KMT5B: variants seen among roughly 807,000 people sequenced by gnomAD.
The protein encoded by KMT5B is histone-lysine N-methyltransferase KMT5B.
KMT5B carries 10 observed loss-of-function variants against 83.2 expected under a neutral mutation model. The ratio of observed to expected loss-of-function variants is 0.12; its 90% CI spans 0.07 to 0.20. KMT5B has a LOEUF of 0.20. KMT5B is among the 10% of genes least tolerant of loss of function. The pLI, the probability that KMT5B is intolerant of heterozygous loss-of-function variation, is 1.00. For synonymous variants in KMT5B, 349 were observed against 388.8 expected (o/e 0.90, Z 1.20); for missense variants, 753 against 1,067.2 (o/e 0.71, Z 4.10).
intron 1 of KMT5B, among the ~76,000 whole-genome samples, chr11:68,195,460 T>C (rs539925754): frequency 2.6e-5 from 4 of 152,310 alleles, no homozygotes; most frequent in Admixed American, 1.3e-4. Context: ...ACAACACAGA[T>C]AGATCCAGGG....
In KMT5B at chr11:68,171,730, G is replaced by A. The variant is rs756507761; in HGVS notation, c.654-21C>T. 9.6e-6 allele frequency: 15 copies of A among 1,566,930 alleles called. No homozygotes were observed. In the Admixed American group the frequency reaches 2.7e-4, roughly 28 times the overall value. ...GTTTCCTATTTAAAATATGTGATGTGTTAAAAATTACTAGTAATTAAATAT... is the reference window on the plus strand; with the variant it reads ...GTTTCCTATTTAAAATATGTGATGTATTAAAAATTACTAGTAATTAAATAT... On this transcript the variant is annotated intron_variant, in intron 6 of 10. Transcript: ENST00000304363. This position sits in a 1 kb window ranked among gnomAD's most constrained non-coding sequence, Gnocchi z 5.1.
chr11:68,200,060 G>A (rs1859238557), intron 1 of KMT5B, among the ~76,000 whole-genome samples: 1 of 152,102 alleles, frequency 6.6e-6, no homozygotes, highest in Non-Finnish European at 1.5e-5. Context: ...GATCCAACTG[G>A]AGTTGGCAGC....
At chr11:68,193,086 C>T (rs1858282004) in intron 1 of KMT5B, among the ~76,000 whole-genome samples, 1 of 152,128 alleles carries the variant, frequency 6.6e-6, no homozygotes, top group Admixed American at 6.6e-5. Context: ...TGCATTAGTA[C>T]AAGTCAGACT....
At chr11:68,203,402 G>A (rs150110410) in intron 1 of KMT5B, among the ~76,000 whole-genome samples, 332 of 152,318 alleles carry the variant, frequency 2.2e-3, no homozygotes, top group Middle Eastern at 6.8e-3. Flanking sequence ...TCTCCTAAAT[G>A]TGAAATCACA....
At chr11:68,166,639 C>T in intron 10 of KMT5B, 1 of 1,067,076 alleles carries the variant, frequency 9.4e-7, no homozygotes, top group Non-Finnish European at 1.1e-6. Flanking sequence ...TAATTCTACT[C>T]AGTCCTTTTG....
chr11:68,198,908 T>C (rs1020977119), intron 1 of KMT5B, among the ~76,000 whole-genome samples: 4 of 152,162 alleles, frequency 2.6e-5, no homozygotes, highest in African/African-American at 9.7e-5. Flanking sequence ...TTTTTGTATT[T>C]CTAGTAAAGA....
intron 10 of KMT5B, 118 bp from the exon 11 acceptor site, chr11:68,159,289 C>T (rs569551434): frequency 5.8e-6 from 8 of 1,384,162 alleles, no homozygotes; most frequent in Admixed American, 2.8e-5. Context: ...GCCAACACCA[C>T]GGCTCCTGCT....
chr11:68,158,582 T>C lies in KMT5B; in HGVS notation c.1764A>G (p.Glu588=). The C allele has an allele frequency of 6.2e-7, 1 of 1,614,188 alleles. No homozygotes were observed. The highest frequency in any genetic ancestry group is 8.5e-7 in the Non-Finnish European group (1 of 1,180,024). Residue 588 remains glutamate (E), a synonymous_variant, in exon 11 of 11, where the codon GAA becomes GAG. Coordinates refer to ENST00000304363, the MANE Select transcript of KMT5B (RefSeq NM_017635.5). ...TTTGTGCAGTCTCATGAGCCAGTTC[T>C]TCCTCCTGCAGCACAGGAGCTGGCT... ...QLQPAPVLQE[E]ELAHETAQKG... is the part of the protein sequence containing the mutation.
At chr11:68,211,960 T>C (rs578066546) in intron 1 of KMT5B, among the ~76,000 whole-genome samples, 1 of 152,326 alleles carries the variant, frequency 6.6e-6, no homozygotes, top group Middle Eastern at 3.4e-3. Flanking sequence ...TTCAAATTGC[T>C]AAACCTTCAG....
At chr11:68,200,681 T>C (rs1246501743) in intron 1 of KMT5B, among the ~76,000 whole-genome samples, 1 of 152,230 alleles carries the variant, frequency 6.6e-6, no homozygotes. Flanking sequence ...ATAGGATCTG[T>C]GTTAAAAAAA....
intron 10 of KMT5B, chr11:68,166,413 C>CA: frequency 9.8e-7 from 1 of 1,017,796 alleles, no homozygotes; most frequent in South Asian, 4.1e-5. Flanking sequence ...CTGGAGTAGC[C>CA]AATACAGCAT....
intron 2 of KMT5B, among the ~76,000 whole-genome samples, chr11:68,186,372 C>G (rs1857439435): frequency 6.6e-6 from 1 of 152,176 alleles, no homozygotes; most frequent in Admixed American, 6.5e-5. Flanking sequence ...TCTCAAGTAT[C>G]AAAAGGAATC....
chr11:68,177,590 T>A (rs541343237), intron 4 of KMT5B, among the ~76,000 whole-genome samples: 2 of 152,314 alleles, frequency 1.3e-5, no homozygotes, highest in Non-Finnish European at 1.5e-5. Flanking sequence ...TCTAGTCATT[T>A]TTTTTTTAAT....
In KMT5B at chr11:68,159,087, G is replaced by A; in HGVS notation, c.1259C>T (p.Ala420Val). The A allele has an allele frequency of 1.2e-6, 2 of 1,607,444 alleles. No homozygotes were observed. The highest frequency in any genetic ancestry group is 1.7e-6 in the Non-Finnish European group (2 of 1,178,496). ...LTRQSMSRIP[A>V]SSNSTSSKLT... ...CTTAGATGAGGTAGAGTTGGAAGAAGCTGGAATTCTTGACATAGATTGCCT... is the reference window on the plus strand; with the variant it reads ...CTTAGATGAGGTAGAGTTGGAAGAAACTGGAATTCTTGACATAGATTGCCT... Residue 420 changes from alanine to valine, a missense_variant, in exon 11 of 11, where the codon GCT (alanine) becomes GTT (valine). Coordinates refer to ENST00000304363, the MANE Select transcript of KMT5B (RefSeq NM_017635.5).
At chr11:68,206,975 G>A (rs1440586857) in intron 1 of KMT5B, among the ~76,000 whole-genome samples, 1 of 152,012 alleles carries the variant, frequency 6.6e-6, no homozygotes, top group African/African-American at 2.4e-5. Context: ...GGGCACAGTG[G>A]CTCACGTCTG....
intron 4 of KMT5B, among the ~76,000 whole-genome samples, chr11:68,178,178 T>C (rs1345267780): frequency 6.6e-6 from 1 of 152,206 alleles, no homozygotes; most frequent in African/African-American, 2.4e-5. Flanking sequence ...CTTTACACGT[T>C]CAATGTGAAA....
chr11:68,205,287 C>G (rs1028462724), intron 1 of KMT5B, among the ~76,000 whole-genome samples: 1 of 152,042 alleles, frequency 6.6e-6, no homozygotes, highest in Admixed American at 6.6e-5. Flanking sequence ...CACTGCACTC[C>G]AGCCTGGGTG....
chr11:68,207,866 G>A (rs1218873517), intron 1 of KMT5B, among the ~76,000 whole-genome samples: 1 of 149,700 alleles, frequency 6.7e-6, no homozygotes, highest in African/African-American at 2.5e-5. Flanking sequence ...TTTAGACGCT[G>A]TCTCGCTCTA....
chr11:68,165,889 G>A (rs746948472), intron 10 of KMT5B: 2 of 1,612,886 alleles, frequency 1.2e-6, no homozygotes, highest in Admixed American at 1.7e-5. Context: ...GTAGATTCAG[G>A]AATTCATGGC....
Sources: allele counts gnomAD v4.1 joint callset (sites outside exome capture counted in the v4.1 genomes callset), GRCh38; gene constraint gnomAD v4.1.1; non-coding constraint Gnocchi (gnomAD v3.1); transcripts MANE v1.5; gene names NCBI Gene and HGNC (gene_info 2026-07-23, HGNC 2026-07-21).